Variants in SGMS1 observed in about 807,000 individuals in gnomAD.
SGMS1 encodes phosphatidylcholine:ceramide cholinephosphotransferase 1.
Under a neutral mutation model 46.2 loss-of-function variants are expected in SGMS1, and 13 were observed. The observed-to-expected ratio is 0.28, with a 90% CI of 0.18 to 0.45. The LOEUF (loss-of-function observed/expected upper bound fraction) is 0.45. SGMS1 is among the 20% of genes least tolerant of loss of function. The pLI is 1.00. For missense variants in SGMS1, 324 were observed against 519.9 expected (o/e 0.62, Z 3.66); for synonymous variants, 203 against 187.8 (o/e 1.08, Z -0.66).
At chr10:50,586,768 CCTCAT>C (rs1394516866) in intron 2 of SGMS1, among the ~76,000 whole-genome samples, 2 of 152,212 alleles carry the variant, frequency 1.3e-5, no homozygotes, top group Admixed American at 1.3e-4. Context: ...TAGATTCCTC[CCTCAT>C]ATCACAGCAG....
intron 2 of SGMS1, among the ~76,000 whole-genome samples, chr10:50,563,575 C>G (rs886757420): frequency 2.7e-5 from 4 of 150,884 alleles, no homozygotes; most frequent in Non-Finnish European, 4.4e-5. Context: ...AACCCCGTCT[C>G]TACTAAAAAT....
At chr10:50,494,306 T>C (rs1419769970) in intron 3 of SGMS1, among the ~76,000 whole-genome samples, 1 of 152,230 alleles carries the variant, frequency 6.6e-6, no homozygotes, top group Non-Finnish European at 1.5e-5. Context: ...AAAATCATTC[T>C]ATTATAAAGA....
At chr10:50,316,670 T>C (rs1847343984) in intron 8 of SGMS1, among the ~76,000 whole-genome samples, 1 of 152,142 alleles carries the variant, frequency 6.6e-6, no homozygotes, top group South Asian at 2.1e-4. Context: ...GCAGTCTTCC[T>C]CCAGAATAGA....
At chr10:50,345,442 ATTT>A (rs1468334164) in intron 6 of SGMS1, among the ~76,000 whole-genome samples, 5 of 152,194 alleles carry the variant, frequency 3.3e-5, no homozygotes, top group Admixed American at 1.3e-4. Context: ...AGTTCAGTGG[ATTT>A]ACTTATTAAA....
At chr10:50,311,064 C>G (rs2304443) in intron 9 of SGMS1, among the ~76,000 whole-genome samples, 198 bp downstream of exon 9, 6 of 152,144 alleles carry the variant, frequency 3.9e-5, no homozygotes, top group African/African-American at 1.2e-4. Context: ...CAGGACACCT[C>G]GTCCTCAGGA....
chr10:50,550,162 C>G (rs1838136333), intron 2 of SGMS1, among the ~76,000 whole-genome samples: 1 of 152,204 alleles, frequency 6.6e-6, no homozygotes, highest in Non-Finnish European at 1.5e-5. Flanking sequence ...ATACAACAGG[C>G]AGAGTAGATA....
intron 6 of SGMS1, among the ~76,000 whole-genome samples, chr10:50,347,399 A>C (rs939286943): frequency 6.6e-6 from 1 of 152,204 alleles, no homozygotes; most frequent in African/African-American, 2.4e-5. Context: ...AGAAATGTAA[A>C]ACCAAAGTAC....
chr10:50,577,365 G>C (rs1388868101), intron 2 of SGMS1, among the ~76,000 whole-genome samples: 1 of 152,032 alleles, frequency 6.6e-6, no homozygotes, highest in Non-Finnish European at 1.5e-5. Context: ...TATACATTAG[G>C]AACAAGAAGA....
intron 1 of SGMS1, among the ~76,000 whole-genome samples, chr10:50,594,025 T>C (rs1000339151): frequency 6.6e-6 from 1 of 152,168 alleles, no homozygotes; most frequent in Non-Finnish European, 1.5e-5. Flanking sequence ...TAATGCCAAA[T>C]TGTTTTCCAA....
chr10:50,369,444 G>A (rs1848399424), intron 6 of SGMS1, among the ~76,000 whole-genome samples: 1 of 152,140 alleles, frequency 6.6e-6, no homozygotes. Context: ...GCTGCAGTGA[G>A]CCATGTTTGT....
intron 2 of SGMS1, among the ~76,000 whole-genome samples, chr10:50,537,267 A>G (rs1838010259): frequency 6.6e-6 from 1 of 152,056 alleles, no homozygotes; most frequent in Admixed American, 6.6e-5. Context: ...TTTCTCCAGA[A>G]AGTTTGGAGT....
At chr10:50,357,619 T>C (rs1323639124) in intron 6 of SGMS1, among the ~76,000 whole-genome samples, 4 of 152,194 alleles carry the variant, frequency 2.6e-5, no homozygotes, top group South Asian at 4.1e-4. Context: ...TATGGAATAA[T>C]TTATTCCATC....
intron 6 of SGMS1, among the ~76,000 whole-genome samples, chr10:50,423,027 A>G (rs1849276012): frequency 1.3e-5 from 2 of 152,236 alleles, no homozygotes; most frequent in Admixed American, 6.5e-5. Context: ...AAAAGCACTG[A>G]CTTTCTAAAT....
chr10:50,331,315 G>A (rs986786522), intron 7 of SGMS1, among the ~76,000 whole-genome samples: 1 of 152,134 alleles, frequency 6.6e-6, no homozygotes, highest in Non-Finnish European at 1.5e-5. Context: ...GAGGTTTAGA[G>A]AGTTTAAGCT....
intron 6 of SGMS1, among the ~76,000 whole-genome samples, chr10:50,400,913 G>A (rs1300159866): frequency 6.6e-6 from 1 of 152,156 alleles, no homozygotes; most frequent in African/African-American, 2.4e-5. Context: ...TGGGCAGGAA[G>A]CTCCCAAGTG....
intron 3 of SGMS1, among the ~76,000 whole-genome samples, chr10:50,482,212 A>C (rs1837483217): frequency 6.6e-6 from 1 of 152,212 alleles, no homozygotes. Flanking sequence ...CCCAAGACAC[A>C]TAATCATCAG....
intron 2 of SGMS1, among the ~76,000 whole-genome samples, chr10:50,572,313 C>T (rs1838343337): frequency 6.6e-6 from 1 of 152,178 alleles, no homozygotes; most frequent in Non-Finnish European, 1.5e-5. Context: ...GTCTATGCGC[C>T]CTCCTTTTGT....
intron 2 of SGMS1, among the ~76,000 whole-genome samples, chr10:50,541,806 A>G (rs1305349614): frequency 6.6e-6 from 1 of 152,198 alleles, no homozygotes; most frequent in Non-Finnish European, 1.5e-5. Context: ...TGCAGGGTTC[A>G]TGCACTTTTA....
At chr10:50,408,440 A>AC (rs1385194690) in intron 6 of SGMS1, among the ~76,000 whole-genome samples, 1 of 149,792 alleles carries the variant, frequency 6.7e-6, no homozygotes, top group Non-Finnish European at 1.5e-5. Context: ...TTAAAAAAAA[A>AC]AAAAAAAAAA....
Sources: allele counts gnomAD v4.1 joint callset (sites outside exome capture counted in the v4.1 genomes callset), GRCh38; gene constraint gnomAD v4.1.1; transcripts MANE v1.5; gene names NCBI Gene and HGNC (gene_info 2026-07-23, HGNC 2026-07-21).